Variants in ROBO2 observed in about 807,000 individuals in gnomAD.
ROBO2 encodes the protein roundabout guidance receptor 2.
A neutral mutation model predicts 160.8 loss-of-function variants in ROBO2; 53 were observed. The observed-to-expected ratio is 0.33, with a 90% CI of 0.26 to 0.41. The LOEUF (loss-of-function observed/expected upper bound fraction) is 0.41, where lower values mean the gene tolerates loss of function less well. Ranked by LOEUF, ROBO2 falls within the 10% of genes least tolerant of loss-of-function variation. ROBO2 has a pLI of 1.00. For synonymous variants in ROBO2, 664 were observed against 611.7 expected (o/e 1.09, Z -1.26); for missense variants, 1,577 against 1,722.4 (o/e 0.92, Z 1.49).
chr3:77,164,588 C>T (rs1296285378), intron 2 of ROBO2, among the ~76,000 whole-genome samples: 8 of 134,706 alleles, frequency 5.9e-5, no homozygotes, highest in Non-Finnish European at 9.6e-5. Context: ...GTGAGGGGCG[C>T]CTCTGCCCGG....
At chr3:77,218,421 C>T (rs2085270441) in intron 2 of ROBO2, among the ~76,000 whole-genome samples, 1 of 149,148 alleles carries the variant, frequency 6.7e-6, no homozygotes, top group South Asian at 2.1e-4. Flanking sequence ...GTAACCTAAG[C>T]TTGAGTGCAG....
At chr3:75,910,196 A>G (rs1376134825) in intron 1 of ROBO2, among the ~76,000 whole-genome samples, 1 of 152,176 alleles carries the variant, frequency 6.6e-6, no homozygotes, top group Non-Finnish European at 1.5e-5. Context: ...TGGCCCAGAA[A>G]AGCCTTTGGA....
Position 77,598,525 on chromosome 3 carries a change from G to A in ROBO2, c.2854+1775G>A, listed in dbSNP as rs797016268. ...TATACGCACACACATATATATATAT[G>A]TGTATATATATATATATCCCAAAGC... On this transcript the variant is annotated intron_variant, in intron 19 of 25. Coordinates refer to ENST00000461745, the Ensembl canonical transcript of ROBO2. 7.5e-3 allele frequency among the ~76,000 whole-genome samples: 536 copies of A among 71,422 alleles called. 1 individual carries two copies. Among genetic ancestry groups the A allele is most frequent in the Non-Finnish European group, 9.9e-3 (347 of 35,222 alleles). 46.9% of individuals were successfully genotyped at this position (71,422 alleles called of 152,430 possible).
intron 5 of ROBO2, among the ~76,000 whole-genome samples, chr3:77,521,174 T>G (rs2090553857): frequency 6.6e-6 from 1 of 151,204 alleles, no homozygotes; most frequent in African/African-American, 2.4e-5. Flanking sequence ...TTAGCACTTA[T>G]TTTGCTAATT....
Position 76,603,851 on chromosome 3 carries a change from T to G in ROBO2, c.110-494163T>G, listed in dbSNP as rs147937259. 4.6e-5 allele frequency among the ~76,000 whole-genome samples: 7 copies of G among 152,212 alleles called. No homozygotes were observed. In the East Asian group the frequency reaches 9.7e-4, roughly 21 times the overall value. On this transcript the variant is annotated intron_variant, in intron 2 of 26. Transcript: ENST00000487694. ...TTATTTTGTTAAATATGAATTTGCT[T>G]GATAGTTTCCTGTCAAAATTAAATA...
At chr3:77,433,811 T>C (rs1046450338) in intron 2 of ROBO2, among the ~76,000 whole-genome samples, 8 of 151,968 alleles carry the variant, frequency 5.3e-5, no homozygotes, top group East Asian at 1.9e-4. Context: ...CCACCATCCA[T>C]GAAACTTCTA....
rs1411343230 is a variant in ROBO2 at position 76,568,379 on chromosome 3, G to A, written c.110-529635G>A. ...GTGGTGCGATCTCGGCTCACTGCAAGCTCCGCCTCCCGGGTTCACACCATT... is the reference window on the plus strand; with the variant it reads ...GTGGTGCGATCTCGGCTCACTGCAAACTCCGCCTCCCGGGTTCACACCATT... On this transcript the variant is annotated intron_variant, in intron 2 of 26. Coordinates refer to the ROBO2 transcript ENST00000487694. Among the ~76,000 whole-genome samples the A allele has an allele frequency of 2.6e-5, 4 of 151,926 alleles. No individual in the cohort carries two copies. In the East Asian group the frequency reaches 5.8e-4, roughly 22 times the overall value.
chr3:77,040,146 C>G, exon 1 of ROBO2: 12 of 985,184 alleles, frequency 1.2e-5, no homozygotes, highest in Non-Finnish European at 1.4e-5. Flanking sequence ...TTCCCTTCTC[C>G]TCTCTTTTGG....
At chr3:76,412,733 G>A (rs889036380) in intron 2 of ROBO2, among the ~76,000 whole-genome samples, 11 of 152,196 alleles carry the variant, frequency 7.2e-5, no homozygotes, top group Non-Finnish European at 1.3e-4. Flanking sequence ...GGTTTTGCAG[G>A]ATACTGCCTC....
At chr3:76,578,418 C>G (rs190598428) in intron 2 of ROBO2, among the ~76,000 whole-genome samples, 17 of 152,216 alleles carry the variant, frequency 1.1e-4, no homozygotes, top group Non-Finnish European at 1.8e-4. Context: ...CACCTCTCAC[C>G]CCCCATTCAT....
chr3:76,714,084 T>G (rs989742463), intron 2 of ROBO2, among the ~76,000 whole-genome samples: 7 of 152,190 alleles, frequency 4.6e-5, no homozygotes, highest in Non-Finnish European at 1.0e-4. Flanking sequence ...AGTCTTTTAA[T>G]ACCTGTAGGT....
At chr3:76,226,755 G>T (rs1028478500) in intron 2 of ROBO2, among the ~76,000 whole-genome samples, 1 of 151,942 alleles carries the variant, frequency 6.6e-6, no homozygotes, top group African/African-American at 2.4e-5. Flanking sequence ...CAAACCACTT[G>T]CCCTAGGCCC....
At chr3:77,489,018 A>G (rs1161115071) in intron 4 of ROBO2, among the ~76,000 whole-genome samples, 1 of 152,240 alleles carries the variant, frequency 6.6e-6, no homozygotes, top group Non-Finnish European at 1.5e-5. Context: ...TAGTATAATT[A>G]ACAGAAAACA....
intron 2 of ROBO2, among the ~76,000 whole-genome samples, chr3:77,311,508 G>A (rs2153422637): frequency 6.6e-6 from 1 of 152,312 alleles, no homozygotes; most frequent in East Asian, 1.9e-4. Flanking sequence ...GATCTTTGGT[G>A]AGAATGTAAT....
At chr3:77,614,783 T>A (rs1323476337) in intron 21 of ROBO2, among the ~76,000 whole-genome samples, 1 of 152,092 alleles carries the variant, frequency 6.6e-6, no homozygotes, top group Non-Finnish European at 1.5e-5. Context: ...AAACCCTTTC[T>A]GTAACTATCT....
intron 2 of ROBO2, among the ~76,000 whole-genome samples, chr3:76,541,282 C>G (rs1453712353): frequency 6.6e-6 from 1 of 152,142 alleles, no homozygotes; most frequent in Admixed American, 6.5e-5. Flanking sequence ...ATCTAATACT[C>G]TTTACATTGG....
chr3:76,000,163 G>C (rs919649982), intron 2 of ROBO2, among the ~76,000 whole-genome samples: 1 of 151,976 alleles, frequency 6.6e-6, no homozygotes, highest in African/African-American at 2.4e-5. Context: ...TCATCATCTT[G>C]ATACTCTAGT....
At chr3:77,415,566 G>A (rs1033488605) in intron 2 of ROBO2, among the ~76,000 whole-genome samples, 7 of 152,232 alleles carry the variant, frequency 4.6e-5, no homozygotes, top group South Asian at 2.1e-4. Flanking sequence ...GGCTTCACTC[G>A]GCTCTGGGCT....
At chr3:76,133,294 C>G (rs1003279913) in intron 2 of ROBO2, among the ~76,000 whole-genome samples, 3 of 151,866 alleles carry the variant, frequency 2.0e-5, no homozygotes, top group Non-Finnish European at 4.4e-5. Flanking sequence ...GTATTCTTCC[C>G]AAAAGACACT....
Sources: gnomAD v4.1 joint callset for allele counts (sites outside exome capture counted in the v4.1 genomes callset) on GRCh38, gnomAD v4.1.1 for gene constraint, MANE v1.5 for transcripts, NCBI Gene and HGNC (gene_info 2026-07-23, HGNC 2026-07-21) for gene names.